FGFR1: variants seen among roughly 807,000 people sequenced by gnomAD.
FGFR1 encodes the protein FGFR1/PLAG1 fusion.
A neutral mutation model predicts 93.7 loss-of-function variants in FGFR1; 18 were observed. That is an observed-to-expected ratio of 0.19 (90% confidence interval 0.13 to 0.28). The LOEUF (loss-of-function observed/expected upper bound fraction) is 0.28. FGFR1 is among the 10% of genes least tolerant of loss of function. The pLI is 1.00. For missense variants in FGFR1, 731 were observed against 1,080.4 expected, an observed-to-expected ratio of 0.68 and a Z score of 4.53; for synonymous variants, 448 against 429.3, an observed-to-expected ratio of 1.04 and a Z score of -0.54.
In FGFR1 at chr8:38,411,436, C is replaced by T. The variant is rs1814392838; in HGVS notation, c.*2192G>A. 4.5e-6 allele frequency: 1 copy of T among 224,272 alleles called. No homozygotes were observed. The highest frequency in any genetic ancestry group is 2.2e-5 in the African/African-American group (1 of 44,880). 13.9% of individuals were successfully genotyped at this position (224,272 alleles called of 1,614,324 possible). On this transcript the variant is annotated 3_prime_UTR_variant, in exon 18 of 18. Coordinates refer to ENST00000447712, the MANE Select transcript of FGFR1 (RefSeq NM_023110.3). ...AAAATTCATTTCCTAGTTCTGTTCA[C>T]CAAATGATGCCTTCTTTAAACATAA... is the stretch of plus-strand genomic sequence containing the variant.
intron 4 of FGFR1, 112 bp from the exon 5 acceptor site, chr8:38,428,205 C>T: frequency 1.3e-6 from 2 of 1,515,176 alleles, no homozygotes; most frequent in Non-Finnish European, 9.2e-7. Flanking sequence ...TGCCCAACAC[C>T]TGTGAGCAGT....
At chr8:38,463,799 T>C (rs1442631609) in intron 1 of FGFR1, among the ~76,000 whole-genome samples, 4 of 152,122 alleles carry the variant, frequency 2.6e-5, no homozygotes, top group Non-Finnish European at 5.9e-5. Context: ...ACCAAAACAT[T>C]AATCCCTTCA....
chr8:38,430,241 A>C, intron 2 of FGFR1: 2 of 423,972 alleles, frequency 4.7e-6, no homozygotes, highest in Admixed American at 3.9e-5. Context: ...AGCGCATTTC[A>C]TTTCCCCCAT....
chr8:38,423,017 C>G (rs1819378143), intron 7 of FGFR1: 1 of 779,544 alleles, frequency 1.3e-6, no homozygotes, highest in Non-Finnish European at 2.4e-6. Flanking sequence ...CATCCATCTC[C>G]CCATTACCTT....
At position 38,416,260 on chromosome 8, in the gene FGFR1, C is replaced by T. The variant is rs17182421; in HGVS notation, c.1664-200G>A. 2.0e-4 allele frequency among the ~76,000 whole-genome samples: 31 copies of T among 152,222 alleles called. No homozygotes were observed. The South Asian group carries it at 2.1e-3, about 10-fold the overall frequency. On this transcript the variant is annotated intron_variant, in intron 12 of 17. Coordinates refer to ENST00000447712, the MANE Select transcript of FGFR1 (RefSeq NM_023110.3). ...CTCCCAGCATAGTCCAGAAAATTCC[C>T]GAGCAACATTGGGGTAAGAGCCCCA...
intron 2 of FGFR1, chr8:38,440,494 G>T: frequency 1.4e-6 from 1 of 715,682 alleles, no homozygotes; most frequent in Non-Finnish European, 2.2e-6. Context: ...AGAGCCGGGA[G>T]CACCAAATCA....
intron 2 of FGFR1, among the ~76,000 whole-genome samples, chr8:38,438,780 T>C (rs1317402009): frequency 6.6e-6 from 1 of 152,058 alleles, no homozygotes; most frequent in Non-Finnish European, 1.5e-5. Context: ...AGGAAGCCCT[T>C]CTGGTTCAGC....
rs1311829486 is a variant in FGFR1, at chr8:38,413,670, T to C, written c.2427A>G (p.Arg809=). Residue 809 remains arginine (R), a synonymous_variant, in exon 18 of 18, where the codon CGA becomes CGG. Coordinates refer to ENST00000447712, the MANE Select transcript of FGFR1 (RefSeq NM_023110.3). This position sits in a 1 kb window ranked among gnomAD's most constrained non-coding sequence, Gnocchi z 4.2. ...EPLPEEPCLP[R]HPAQLANGGL... ...CGCCATTGGCAAGCTGGGCTGGGTG[T>C]CGGGGCAGGCAGGGCTCCTCGGGCA... 6.2e-7 allele frequency: 1 copy of C among 1,613,300 alleles called. No homozygotes were observed.
rs560087909 is a variant in FGFR1, at chr8:38,413,284, G to A, written c.*344C>T. ...AAACAGACCAAACCGACAGGAGAAA[G>A]CTCAGGAAGCTCTCACTTGCATGCC... On this transcript the variant is annotated 3_prime_UTR_variant, in exon 18 of 18. Coordinates refer to ENST00000447712, the MANE Select transcript of FGFR1 (RefSeq NM_023110.3). The surrounding 1 kb of genome is among the most constrained non-coding windows in gnomAD (Gnocchi z 4.2). 7 of 401,316 alleles carry A rather than the reference G, an allele frequency of 1.7e-5. No homozygotes were observed. The South Asian group carries it at 2.9e-4, about 17-fold the overall frequency. 24.9% of individuals were successfully genotyped at this position (401,316 alleles called of 1,614,324 possible).
intron 9 of FGFR1, 99 bp from the exon 10 acceptor site, chr8:38,418,472 G>A (rs1187797733): frequency 2.2e-6 from 3 of 1,368,488 alleles, no homozygotes; most frequent in African/African-American, 2.9e-5. Context: ...AGAGGCACAT[G>A]TCTGTGTATC....
intron 2 of FGFR1, among the ~76,000 whole-genome samples, chr8:38,443,634 C>T (rs1451605692): frequency 2.0e-5 from 3 of 152,022 alleles, no homozygotes; most frequent in East Asian, 1.9e-4. Flanking sequence ...GATAGCAACA[C>T]TGCACTCCAG....
rs562700623 is a variant in FGFR1, at chr8:38,444,556, A to ATTTTTTTTTTT, written c.91+12789_91+12799dup. On this transcript the variant is annotated intron_variant, in intron 2 of 17. Transcript: ENST00000447712. ...GGCACTTGCCACCACGCGTGGCTAA[A>ATTTTTTTTTTT]TTTTTTTTTTTTTTTTGTAGAGACA... Among the ~76,000 whole-genome samples the ATTTTTTTTTTT allele has an allele frequency of 2.4e-4, 31 of 129,200 alleles. 1 individual carries two copies. The highest frequency in any genetic ancestry group is 4.9e-4 in the African/African-American group (17 of 34,566). 84.8% of individuals were successfully genotyped at this position (129,200 alleles called of 152,430 possible). A position where few individuals can be genotyped will look rare whatever the true frequency, so the allele number is the denominator to read the frequency against.
At chr8:38,447,335 C>T (rs1829679705) in intron 2 of FGFR1, among the ~76,000 whole-genome samples, 1 of 152,144 alleles carries the variant, frequency 6.6e-6, no homozygotes, top group South Asian at 2.1e-4. Flanking sequence ...ATCCTAGTTC[C>T]ACCCCTCACC....
In FGFR1 at chr8:38,413,451, T is replaced by A; in HGVS notation, c.*177A>T. On this transcript the variant is annotated 3_prime_UTR_variant, in exon 18 of 18. Coordinates refer to ENST00000447712, the MANE Select transcript of FGFR1 (RefSeq NM_023110.3). This position sits in a 1 kb window ranked among gnomAD's most constrained non-coding sequence, Gnocchi z 4.2. Reference sequence around the variant, plus strand: ...CTCTCACCAGCAGGTGGAGAGGAGGTGGAGGGAGAGGTGAGCTGAGTGGGG... The same window carrying A: ...CTCTCACCAGCAGGTGGAGAGGAGGAGGAGGGAGAGGTGAGCTGAGTGGGG... 1.6e-6 allele frequency: 1 copy of A among 613,722 alleles called. No individual in the cohort carries two copies. Among genetic ancestry groups the A allele is most frequent in the Non-Finnish European group, 2.8e-6 (1 of 351,602 alleles). The allele number at this position is 613,722 out of a possible 1,614,324, so 38.0% of individuals were successfully genotyped here. A position where few individuals can be genotyped will look rare whatever the true frequency, so the allele number is the denominator to read the frequency against.
Position 38,413,158 on chromosome 8 carries a change from G to A in FGFR1, c.*470C>T, listed in dbSNP as rs992918568. The A allele has an allele frequency of 2.0e-5, 5 of 244,144 alleles. No homozygotes were observed. The highest frequency in any genetic ancestry group is 3.2e-5 in the Non-Finnish European group (4 of 124,768). 15.1% of individuals were successfully genotyped at this position (244,144 alleles called of 1,614,324 possible). ...CTGGCACCACCTATCTGGGGCAGAG[G>A]TCACCTTCAATCGAGGCACGAAGCA... On this transcript the variant is annotated 3_prime_UTR_variant, in exon 18 of 18. Transcript: ENST00000447712. The surrounding 1 kb of genome is among the most constrained non-coding windows in gnomAD (Gnocchi z 4.2).
chr8:38,468,074 C>CG lies in FGFR1; in HGVS notation c.-183dup, dbSNP rs1378618181. 1 of 224,488 alleles carries CG rather than the reference C, an allele frequency of 4.5e-6. No individual in the cohort carries two copies. The highest frequency in any genetic ancestry group is 8.9e-6 in the Non-Finnish European group (1 of 112,440). 13.9% of individuals were successfully genotyped at this position (224,488 alleles called of 1,614,324 possible). A position where few individuals can be genotyped will look rare whatever the true frequency, so the allele number is the denominator to read the frequency against. On this transcript the variant is annotated 5_prime_UTR_variant, in exon 1 of 18. Transcript: ENST00000447712. ...GTCCCCGGCTCCGGCCCGCCGCCCC[C>CG]GGGCTCTGTTCGGGTCCTGGCGGGG...
chr8:38,425,722 C>T (rs1002338636), intron 6 of FGFR1, among the ~76,000 whole-genome samples: 1 of 152,200 alleles, frequency 6.6e-6, no homozygotes, highest in African/African-American at 2.4e-5. Flanking sequence ...TGCTCCTGTG[C>T]AGGGCTAGAC....
chr8:38,414,438 A>G (rs1815557488), intron 15 of FGFR1, 121 bp downstream of exon 15: 2 of 1,532,556 alleles, frequency 1.3e-6, no homozygotes, highest in East Asian at 2.3e-5. Context: ...GCCACAGACA[A>G]TGTTTTGTTT....
In FGFR1 at chr8:38,426,017, C is replaced by A; in HGVS notation, c.745+105G>T. 1 of 1,508,118 alleles carries A rather than the reference C, an allele frequency of 6.6e-7. No individual in the cohort carries two copies. Among genetic ancestry groups the A allele is most frequent in the South Asian group, 1.1e-5 (1 of 88,434 alleles). The allele number at this position is 1,508,118 out of a possible 1,614,324, so 93.4% of individuals were successfully genotyped here. A position where few individuals can be genotyped will look rare whatever the true frequency, so the allele number is the denominator to read the frequency against. ...GGTGACAAAGCCAAGAAGTGCCAAT[C>A]GCTATCCTGACTCTGCCCCTAAGAA... is the stretch of plus-strand genomic sequence containing the variant. On this transcript the variant is annotated intron_variant, in intron 6 of 17. Transcript: ENST00000447712. This position sits in a 1 kb window ranked among gnomAD's most constrained non-coding sequence, Gnocchi z 4.1.
Sources: gnomAD v4.1 joint callset for allele counts (sites outside exome capture counted in the v4.1 genomes callset) on GRCh38, gnomAD v4.1.1 for gene constraint, Gnocchi (gnomAD v3.1) non-coding constraint, MANE v1.5 for transcripts, NCBI Gene and HGNC (gene_info 2026-07-23, HGNC 2026-07-21) for gene names.